VPS13C: variants seen among roughly 807,000 people sequenced by gnomAD.
VPS13C encodes vacuolar protein sorting 13 homolog C.
In VPS13C, 358 loss-of-function variants were observed where a neutral mutation model predicts 456.8. That is an observed-to-expected ratio of 0.78 (90% CI 0.72 to 0.86). The LOEUF is 0.86. Among genes scored for constraint, VPS13C ranks in the 40% least tolerant of loss-of-function variants. The pLI is 0.00. For missense variants in VPS13C, 4,818 were observed against 4,385.4 expected, an observed-to-expected ratio of 1.10 and a Z score of -2.79; for synonymous variants, 1,578 against 1,486.7, an observed-to-expected ratio of 1.06 and a Z score of -1.41.
At chr15:62,047,361 C>T (rs1246746109) in intron 1 of VPS13C, among the ~76,000 whole-genome samples, 1 of 151,868 alleles carries the variant, frequency 6.6e-6, no homozygotes, top group East Asian at 1.9e-4. Flanking sequence ...CTGCTTGAAC[C>T]TGGGAGGCAG....
chr15:61,914,307 A>G (rs2043394643), intron 61 of VPS13C, among the ~76,000 whole-genome samples: 1 of 151,980 alleles, frequency 6.6e-6, no homozygotes, highest in African/African-American at 2.4e-5. Context: ...GGTGGCTCAC[A>G]CCTGTAATCC....
In VPS13C at chr15:62,010,550, T is replaced by G; in HGVS notation, c.933A>C (p.Ala311=). Residue 311 remains alanine, a synonymous_variant, in exon 13 of 85, where the codon GCA becomes GCC. Transcript: ENST00000644861. The part of the protein sequence containing the change: ...ASAKLYMNPY[A]ESELKTPKLD... ...GTTTGGGCGTTTTGAGCTCTGATTC[T>G]GCATAAGGATTCATGTAGAGTTTTG... is the stretch of plus-strand genomic sequence containing the variant. The G allele has an allele frequency of 1.2e-6, 2 of 1,613,500 alleles. No individual in the cohort carries two copies. Among genetic ancestry groups the G allele is most frequent in the Non-Finnish European group, 1.7e-6 (2 of 1,179,760 alleles).
At chr15:61,881,341 A>G (rs1895832270) in intron 71 of VPS13C, among the ~76,000 whole-genome samples, 1 of 152,150 alleles carries the variant, frequency 6.6e-6, no homozygotes, top group African/African-American at 2.4e-5. Flanking sequence ...TGAAGTTATA[A>G]AGGGAAGAAG....
In VPS13C at chr15:62,048,651, T is replaced by C. The variant is rs549226477; in HGVS notation, c.101-4396A>G. Among the ~76,000 whole-genome samples the C allele has an allele frequency of 2.5e-3, 377 of 151,838 alleles. 1 individual carries two copies. Among genetic ancestry groups the C allele is most frequent in the African/African-American group, 8.5e-3 (354 of 41,438 alleles). ...GGATGGCTGGGTCAAATGGTATTTC[T>C]AGTTCTAGATCCCTGAGGAATCGCC... On this transcript the variant is annotated intron_variant, in intron 1 of 84. Coordinates refer to ENST00000644861, the MANE Select transcript of VPS13C (RefSeq NM_020821.3).
At position 61,941,682 on chromosome 15, in the gene VPS13C, T is replaced by C. The variant is rs538976422; in HGVS notation, c.5453+81A>G. Reference sequence around the variant, plus strand: ...ATAAGGAATGAAAACCACAAATTACTACAACATTTTACCTTAGGTAAAAAT... The same window carrying C: ...ATAAGGAATGAAAACCACAAATTACCACAACATTTTACCTTAGGTAAAAAT... On this transcript the variant is annotated intron_variant, in intron 46 of 84. Transcript: ENST00000644861. 123 of 1,414,700 alleles carry C rather than the reference T, an allele frequency of 8.7e-5. No homozygotes were observed. The African/African-American group carries it at 1.7e-3, about 19-fold the overall frequency. 87.6% of individuals were successfully genotyped at this position (1,414,700 alleles called of 1,614,324 possible). A position where few individuals can be genotyped will look rare whatever the true frequency, so the allele number is the denominator to read the frequency against.
At chr15:61,954,786 ACT>A (rs1004230464) in intron 37 of VPS13C, among the ~76,000 whole-genome samples, 4 of 152,100 alleles carry the variant, frequency 2.6e-5, no homozygotes, top group African/African-American at 7.2e-5. Flanking sequence ...ATGTTAATAG[ACT>A]CTATATAAAA....
intron 35 of VPS13C, among the ~76,000 whole-genome samples, chr15:61,961,318 G>C (rs2045193234): frequency 1.3e-5 from 2 of 151,258 alleles, no homozygotes; most frequent in South Asian, 4.2e-4. Context: ...CTTGAACCCA[G>C]GAGGCAGAGG....
At chr15:61,875,625 A>G in intron 76 of VPS13C, 107 bp downstream of exon 76, 2 of 755,410 alleles carry the variant, frequency 2.6e-6, no homozygotes, top group Non-Finnish European at 4.4e-6. Flanking sequence ...TGATTTGAAC[A>G]TTATTCAATT....
At chr15:62,053,254 G>A (rs942950459) in intron 1 of VPS13C, among the ~76,000 whole-genome samples, 1 of 152,066 alleles carries the variant, frequency 6.6e-6, no homozygotes, top group Non-Finnish European at 1.5e-5. Context: ...TCCCTCTACA[G>A]GTTTAGAAAT....
chr15:61,953,910 T>G (rs2044891511), intron 38 of VPS13C, among the ~76,000 whole-genome samples: 1 of 152,186 alleles, frequency 6.6e-6, no homozygotes, highest in African/African-American at 2.4e-5. Flanking sequence ...ACAGTTTTCC[T>G]GCATGAGTTC....
chr15:61,977,422 A>G (rs909975180), intron 23 of VPS13C, among the ~76,000 whole-genome samples: 2 of 152,056 alleles, frequency 1.3e-5, no homozygotes, highest in Admixed American at 6.5e-5. Flanking sequence ...AAAGACTGTG[A>G]TATAAAATAA....
chr15:61,948,488 C>G (rs565176953), intron 42 of VPS13C, among the ~76,000 whole-genome samples: 1 of 152,124 alleles, frequency 6.6e-6, no homozygotes, highest in South Asian at 2.1e-4. Context: ...TCACGACCAG[C>G]CTGCGCAACA....
At position 61,855,019 on chromosome 15, in the gene VPS13C, T is replaced by A. The variant is rs1596257611; in HGVS notation, c.11077-65A>T. ...GAGGAAGAAAAAAATTCCTAACTTT[T>A]AATTGTATACTTAAATGTCAACTCT... On this transcript the variant is annotated intron_variant, in intron 83 of 84. Transcript: ENST00000644861. 3 of 1,314,604 alleles carry A rather than the reference T, an allele frequency of 2.3e-6. No homozygotes were observed. The East Asian group carries it at 7.2e-5, about 32-fold the overall frequency. 81.4% of individuals were successfully genotyped at this position (1,314,604 alleles called of 1,614,324 possible).
At chr15:62,007,754 T>G (rs779566973) in intron 14 of VPS13C, among the ~76,000 whole-genome samples, 2 of 152,186 alleles carry the variant, frequency 1.3e-5, no homozygotes, top group Non-Finnish European at 1.5e-5. Flanking sequence ...ACTGAGTCTA[T>G]GTGGATGACT....
intron 20 of VPS13C, 187 bp downstream of exon 20, chr15:61,983,633 T>C (rs974686292): frequency 7.1e-6 from 4 of 564,610 alleles, no homozygotes; most frequent in Non-Finnish European, 8.9e-6. Context: ...TAGGGAAAAA[T>C]GTATTGCATA....
In VPS13C at chr15:61,867,090, G is replaced by A; in HGVS notation, c.10863+1569C>T. 10 of 948,184 alleles carry A rather than the reference G, an allele frequency of 1.1e-5. No individual in the cohort carries two copies. The highest frequency in any genetic ancestry group is 1.3e-5 in the Non-Finnish European group (10 of 796,048). 58.7% of individuals were successfully genotyped at this position (948,184 alleles called of 1,614,324 possible). On this transcript the variant is annotated intron_variant, in intron 81 of 84. Coordinates refer to ENST00000644861, the MANE Select transcript of VPS13C (RefSeq NM_020821.3). This position sits in a 1 kb window ranked among gnomAD's most constrained non-coding sequence, Gnocchi z 5.0. ...TCTAAGATAATAAACCCTCTCTAAGGATTTAAAAGCAAAAGGTTGGTTTTT... is the reference window on the plus strand; with the variant it reads ...TCTAAGATAATAAACCCTCTCTAAGAATTTAAAAGCAAAAGGTTGGTTTTT...
chr15:61,950,656 A>G (rs558318397), intron 40 of VPS13C, among the ~76,000 whole-genome samples: 2 of 152,160 alleles, frequency 1.3e-5, no homozygotes, highest in East Asian at 3.9e-4. Flanking sequence ...AAATGCTAGT[A>G]TATCTAGATT....
chr15:61,871,601 G>A lies in VPS13C; in HGVS notation c.10624+388C>T, dbSNP rs1034575162. ...TTTGGCTATCTGGGATCCCTGGAAT[G>A]GCCATATAAATTTTGGACTTGGCTT... On this transcript the variant is annotated intron_variant, in intron 79 of 84. Transcript: ENST00000644861. Among the ~76,000 whole-genome samples the A allele has an allele frequency of 4.6e-5, 7 of 151,962 alleles. No homozygotes were observed. In the East Asian group the frequency reaches 1.2e-3, roughly 25 times the overall value.
intron 66 of VPS13C, among the ~76,000 whole-genome samples, chr15:61,899,288 C>T (rs1217350602): frequency 5.1e-5 from 6 of 117,246 alleles, no homozygotes; most frequent in African/African-American, 9.7e-5. Flanking sequence ...ACACAAAAAA[C>T]CCTTCAAAAA....
Sources: gnomAD v4.1 joint callset for allele counts (sites outside exome capture counted in the v4.1 genomes callset) on GRCh38, gnomAD v4.1.1 for gene constraint, Gnocchi (gnomAD v3.1) non-coding constraint, MANE v1.5 for transcripts, NCBI Gene and HGNC (gene_info 2026-07-23, HGNC 2026-07-21) for gene names.